GPALPP1: variants seen among roughly 807,000 people sequenced by gnomAD.
GPALPP1 encodes the protein GPALPP motifs-containing protein 1.
A neutral mutation model predicts 38.9 loss-of-function variants in GPALPP1; 30 were observed. The observed-to-expected ratio is 0.77, with a 90% CI of 0.58 to 1.05. The LOEUF (loss-of-function observed/expected upper bound fraction) is 1.05, where lower values mean the gene tolerates loss of function less well. GPALPP1 is among the 50% of genes least tolerant of loss of function. The pLI, the probability that GPALPP1 is intolerant of heterozygous loss-of-function variation, is 0.00. For synonymous variants in GPALPP1, 120 were observed against 139.2 expected (o/e 0.86, Z 0.97); for missense variants, 384 against 408.8 (o/e 0.94, Z 0.52).
intron 1 of GPALPP1, among the ~76,000 whole-genome samples, chr13:44,995,169 A>ACACACACAC (rs377500898): frequency 3.1e-5 from 4 of 128,532 alleles, no homozygotes; most frequent in African/African-American, 6.1e-5. Flanking sequence ...CCTATCTTTA[A>ACACACACAC]ACACACACAC....
chr13:45,027,103 G>T (rs577395896), intron 7 of GPALPP1, among the ~76,000 whole-genome samples: 1 of 152,084 alleles, frequency 6.6e-6, no homozygotes, highest in Non-Finnish European at 1.5e-5. Flanking sequence ...CAGATTGAAG[G>T]CTGCTGGTCT....
intron 1 of GPALPP1, among the ~76,000 whole-genome samples, chr13:44,992,779 G>A (rs1195498150): frequency 2.0e-5 from 3 of 151,652 alleles, no homozygotes; most frequent in Non-Finnish European, 4.4e-5. Context: ...TTTTTTTCTT[G>A]TTTATTCTGG....
chr13:44,989,867 G>A (rs1312513160), intron 1 of GPALPP1, 125 bp downstream of exon 1: 2 of 674,112 alleles, frequency 3.0e-6, no homozygotes, highest in Non-Finnish European at 5.0e-6. Context: ...GGCCTGACCC[G>A]AGAGAACTTT....
intron 1 of GPALPP1, among the ~76,000 whole-genome samples, chr13:44,999,213 G>A (rs1873497018): frequency 6.6e-6 from 1 of 152,106 alleles, no homozygotes; most frequent in Admixed American, 6.5e-5. Context: ...AGTTGTGGAT[G>A]TTCATCTGTT....
chr13:45,004,487 T>C, intron 2 of GPALPP1, 50 bp downstream of exon 2: 1 of 1,403,856 alleles, frequency 7.1e-7, no homozygotes. Flanking sequence ...AGAGCTAGTA[T>C]AAGTTGGCTG....
At chr13:44,998,484 C>T (rs1257557297) in intron 1 of GPALPP1, among the ~76,000 whole-genome samples, 1 of 152,180 alleles carries the variant, frequency 6.6e-6, no homozygotes, top group African/African-American at 2.4e-5. Flanking sequence ...CTTGACCTCA[C>T]AGCAACATTT....
At chr13:45,023,348 A>G (rs1332531394) in intron 7 of GPALPP1, among the ~76,000 whole-genome samples, 1 of 151,342 alleles carries the variant, frequency 6.6e-6, no homozygotes, top group Non-Finnish European at 1.5e-5. Flanking sequence ...TATTTCTTTT[A>G]TCATCATGAA....
At position 45,027,907 on chromosome 13, in the gene GPALPP1, T is replaced by C; in HGVS notation, c.927T>C (p.Val309=). The C allele has an allele frequency of 1.2e-6, 2 of 1,610,044 alleles. No homozygotes were observed. Among genetic ancestry groups the C allele is most frequent in the Non-Finnish European group, 1.7e-6 (2 of 1,176,454 alleles). ...IPFDRDKDLK[V]NRFDEAQKKA... is the part of the protein sequence containing the mutation. ...TTGACCGTGATAAAGATCTCAAGGT[T>C]AATCGGTTTGATGAAGCTCAGAAAA... Residue 309 remains valine (V), a synonymous_variant, in exon 8 of 8, where the codon GTT becomes GTC. Coordinates refer to ENST00000379151, the MANE Select transcript of GPALPP1 (RefSeq NM_018559.5).
rs1360655437 is a variant in GPALPP1 at position 45,006,345 on chromosome 13, T to C, written c.323+42T>C. ...TTTTAGGCCAGTCTTTCTTTAAATA[T>C]TTTAACTAATGAATCTTTAATGAAT... On this transcript the variant is annotated intron_variant, in intron 3 of 7. Transcript: ENST00000379151. 4.4e-6 allele frequency: 4 copies of C among 900,112 alleles called. 1 individual carries two copies. The South Asian group carries it at 6.4e-5, about 14-fold the overall frequency. 55.8% of individuals were successfully genotyped at this position (900,112 alleles called of 1,614,324 possible).
At chr13:45,032,762 G>A (rs962647290), downstream of GPALPP1, among the ~76,000 whole-genome samples, 1 of 150,368 alleles carries the variant, frequency 6.7e-6, no homozygotes, top group Non-Finnish European at 1.5e-5. Flanking sequence ...TTGGCCAGGT[G>A]CGGTGGCTCA....
chr13:45,022,416 T>C lies in GPALPP1; in HGVS notation c.804+1988T>C, dbSNP rs372613855. 6.6e-5 allele frequency among the ~76,000 whole-genome samples: 10 copies of C among 151,944 alleles called. No individual in the cohort carries two copies. The East Asian group carries it at 1.9e-3, about 29-fold the overall frequency. On this transcript the variant is annotated intron_variant, in intron 7 of 7. Coordinates refer to ENST00000379151, the MANE Select transcript of GPALPP1 (RefSeq NM_018559.5). ...ATATTTATGCATTTTATCATATGTA[T>C]ATTTATCTTAAATATATATATAAAA...
At chr13:45,002,956 G>C (rs1343946611) in intron 1 of GPALPP1, among the ~76,000 whole-genome samples, 3 of 152,132 alleles carry the variant, frequency 2.0e-5, no homozygotes, top group African/African-American at 7.2e-5. Flanking sequence ...CACATATACA[G>C]TGTCACCTTT....
intron 2 of GPALPP1, among the ~76,000 whole-genome samples, chr13:45,005,796 G>T (rs892917017): frequency 5.9e-5 from 9 of 152,256 alleles, no homozygotes; most frequent in Admixed American, 5.2e-4. Context: ...AGGCCAAGGT[G>T]GGGAGATCAC....
intron 1 of GPALPP1, among the ~76,000 whole-genome samples, chr13:44,999,724 C>T (rs1200603505): frequency 1.3e-5 from 2 of 152,138 alleles, no homozygotes; most frequent in African/African-American, 2.4e-5. Flanking sequence ...GGACTACAAG[C>T]ATGTGCCACC....
At chr13:45,008,685 C>A (rs369007512) in intron 3 of GPALPP1, 110 bp from the exon 4 acceptor site, 2 of 600,906 alleles carry the variant, frequency 3.3e-6, no homozygotes, top group African/African-American at 3.7e-5. Flanking sequence ...AAATAAAATT[C>A]TTATTTTCAA....
rs1229099521 is a variant in GPALPP1, at chr13:45,029,231, T to C, written c.*1228T>C. ...CCAACTTACTGAGTTTTCTTATTCT[T>C]ACCTCAGGGGGATTTCCCTGTGCAA... On this transcript the variant is annotated 3_prime_UTR_variant, in exon 8 of 8. Coordinates refer to ENST00000379151, the MANE Select transcript of GPALPP1 (RefSeq NM_018559.5). 6.6e-6 allele frequency: 1 copy of C among 152,212 alleles called. No individual in the cohort carries two copies. The highest frequency in any genetic ancestry group is 1.5e-5 in the Non-Finnish European group (1 of 68,042). 9.4% of individuals were successfully genotyped at this position (152,212 alleles called of 1,614,324 possible).
intron 7 of GPALPP1, among the ~76,000 whole-genome samples, chr13:45,025,219 T>C (rs900638255): frequency 3.9e-5 from 6 of 152,248 alleles, no homozygotes; most frequent in Non-Finnish European, 7.3e-5. Flanking sequence ...ACCAGGTTTT[T>C]ATGAAGAAGT....
At chr13:45,013,622 TAAG>T (rs760364563) in intron 4 of GPALPP1, among the ~76,000 whole-genome samples, 9 of 152,202 alleles carry the variant, frequency 5.9e-5, no homozygotes, top group Non-Finnish European at 8.8e-5. Context: ...CCCAGTTCCC[TAAG>T]AAGGGTGTGG....
In GPALPP1 at chr13:45,014,955, A is replaced by G; in HGVS notation, c.412A>G (p.Thr138Ala). 2 of 1,587,090 alleles carry G rather than the reference A, an allele frequency of 1.3e-6. No individual in the cohort carries two copies. Among genetic ancestry groups the G allele is most frequent in the Non-Finnish European group, 1.7e-6 (2 of 1,167,036 alleles). Reference sequence around the variant, plus strand: ...AGGTAATGTCTTGTTTTAAAAGGAAACAGACAGCAGTGAAGATGAGGATAT... The same window carrying G: ...AGGTAATGTCTTGTTTTAAAAGGAAGCAGACAGCAGTGAAGATGAGGATAT... ...KGRDDPGQQE[T>A]DSSEDEDIIG... Residue 138 changes from threonine to alanine, a missense_variant, in exon 5 of 8, where the codon ACA (threonine) becomes GCA (alanine). Transcript: ENST00000379151.
Sources: gnomAD v4.1 joint callset for allele counts (sites outside exome capture counted in the v4.1 genomes callset) on GRCh38, gnomAD v4.1.1 for gene constraint, MANE v1.5 for transcripts, NCBI Gene and HGNC (gene_info 2026-07-23, HGNC 2026-07-21) for gene names.